The following HMOX2 variants were observed in gnomAD, a reference collection of about 807,000 sequenced individuals.
HMOX2 encodes heme oxygenase 2, also known as heme oxygenase (decycling) 2.
Under a neutral mutation model 33.7 loss-of-function variants are expected in HMOX2, and 30 were observed. The observed-to-expected ratio is 0.89, with a 90% CI of 0.67 to 1.21. HMOX2 has a LOEUF of 1.21. Among genes scored for constraint, HMOX2 ranks in the 50% most tolerant of loss-of-function variants. The pLI, the probability that HMOX2 is intolerant of heterozygous loss-of-function variation, is 0.00. For synonymous variants in HMOX2, 155 were observed against 155.0 expected (o/e 1.00, Z 0.00); for missense variants, 403 against 399.1 (o/e 1.01, Z -0.08).
rs17882072 is a variant in HMOX2, at chr16:4,509,803, G to GCCTA, written c.*50_*53dup. 648 of 1,577,412 alleles carry GCCTA rather than the reference G, an allele frequency of 4.1e-4. 9 individuals are homozygous for GCCTA. In the East Asian group the frequency reaches 0.014, roughly 34 times the overall value. ...GTACCCTCCTCCCGACTGACCACTGGCCTACCCCTTTCTCCAGCCCTGACT... is the reference window on the plus strand; with the variant it reads ...GTACCCTCCTCCCGACTGACCACTGGCCTACCTACCCCTTTCTCCAGCCCTGACT... On this transcript the variant is annotated 3_prime_UTR_variant, in exon 6 of 6. Coordinates refer to ENST00000570646, the MANE Select transcript of HMOX2 (RefSeq NM_002134.4).
At chr16:4,498,864 T>C (rs1444964142) in intron 1 of HMOX2, among the ~76,000 whole-genome samples, 2 of 152,234 alleles carry the variant, frequency 1.3e-5, no homozygotes, top group African/African-American at 4.8e-5. Flanking sequence ...CTAGATGATG[T>C]GGCTTCTTCA....
At chr16:4,481,466 T>A (rs188198929) in intron 1 of HMOX2, among the ~76,000 whole-genome samples, 42 of 152,238 alleles carry the variant, frequency 2.8e-4, no homozygotes, top group African/African-American at 9.9e-4. Context: ...ATAATTTTTA[T>A]GCGAAACACC....
intron 1 of HMOX2, among the ~76,000 whole-genome samples, chr16:4,501,663 A>G (rs1406573784): frequency 6.6e-6 from 1 of 152,124 alleles, no homozygotes; most frequent in Non-Finnish European, 1.5e-5. Context: ...TTGGCCCTCA[A>G]TTTTCTAGAG....
chr16:4,507,732 A>G lies in HMOX2; in HGVS notation c.224A>G (p.Tyr75Cys). 1.2e-6 allele frequency: 2 copies of G among 1,614,042 alleles called. No homozygotes were observed. Among genetic ancestry groups the G allele is most frequent in the Non-Finnish European group, 1.7e-6 (2 of 1,179,956 alleles). The change falls in exon 4 of 6, where the codon TAC becomes TGC. Residue 75 changes from tyrosine (Y) to cysteine (C), a missense_variant. Physicochemically the swap from Tyr to Cys is radical, Grantham distance 194 (BLOSUM62 -2). Coordinates refer to ENST00000570646, the MANE Select transcript of HMOX2 (RefSeq NM_002134.4). ...CCACAGCTGGCCACCACGGCACTTTACTTCACATACTCAGCCCTCGAGGAG... is the reference window on the plus strand; with the variant it reads ...CCACAGCTGGCCACCACGGCACTTTGCTTCACATACTCAGCCCTCGAGGAG... ...ELFKLATTALYFTYSALEEEM... is the reference protein window; with the variant it reads ...ELFKLATTALCFTYSALEEEM...
At chr16:4,492,616 G>A (rs1340453840) in intron 1 of HMOX2, among the ~76,000 whole-genome samples, 1 of 152,138 alleles carries the variant, frequency 6.6e-6, no homozygotes, top group African/African-American at 2.4e-5. Context: ...CTACTCGGGA[G>A]TCTGAGGCAG....
In HMOX2 at chr16:4,509,266, G is replaced by A. The variant is rs552524697; in HGVS notation, c.697-146G>A. 2.4e-4 allele frequency: 238 copies of A among 1,010,360 alleles called. 1 individual carries two copies. The highest frequency in any genetic ancestry group is 6.0e-4 in the Admixed American group (26 of 43,314). 62.6% of individuals were successfully genotyped at this position (1,010,360 alleles called of 1,614,324 possible). A position where few individuals can be genotyped will look rare whatever the true frequency, so the allele number is the denominator to read the frequency against. ...AAGGTGGGAGGACCACTTGAGCCTA[G>A]GAGTTTGAGGCTGCAGTGAGTTAGC... On this transcript the variant is annotated intron_variant, in intron 4 of 5. Coordinates refer to ENST00000570646, the MANE Select transcript of HMOX2 (RefSeq NM_002134.4).
intron 1 of HMOX2, among the ~76,000 whole-genome samples, chr16:4,499,141 G>A (rs1320911951): frequency 6.6e-6 from 1 of 152,218 alleles, no homozygotes; most frequent in African/African-American, 2.4e-5. Flanking sequence ...TTCTTCCTCA[G>A]TGTTTAACAA....
chr16:4,490,828 T>G (rs2058286907), intron 1 of HMOX2, among the ~76,000 whole-genome samples: 2 of 152,252 alleles, frequency 1.3e-5, no homozygotes, highest in African/African-American at 4.8e-5. Flanking sequence ...TGTCCTCTTT[T>G]GAATGCACAC....
intron 1 of HMOX2, among the ~76,000 whole-genome samples, chr16:4,480,009 G>A (rs911520494): frequency 2.0e-5 from 3 of 146,360 alleles, no homozygotes; most frequent in Admixed American, 1.4e-4. Flanking sequence ...AAAGTGCTGG[G>A]GTTATAGGCA....
chr16:4,477,582 T>C (rs2057899208), intron 1 of HMOX2, among the ~76,000 whole-genome samples: 1 of 151,536 alleles, frequency 6.6e-6, no homozygotes, highest in Non-Finnish European at 1.5e-5. Context: ...GTACTGTGTT[T>C]TGTTGATGGC....
intron 4 of HMOX2, among the ~76,000 whole-genome samples, chr16:4,508,614 G>A (rs2270366): frequency 0.54 from 82,240 of 152,006 alleles, 25,516 homozygotes; most frequent in Non-Finnish European, 0.69. Flanking sequence ...TTTACAAGTA[G>A]CCTTTAGATG....
At chr16:4,487,475 A>C (rs2058198157) in intron 1 of HMOX2, among the ~76,000 whole-genome samples, 1 of 151,404 alleles carries the variant, frequency 6.6e-6, no homozygotes, top group South Asian at 2.1e-4. Flanking sequence ...GTTTGAGACC[A>C]GCCTGACCAA....
intron 1 of HMOX2, among the ~76,000 whole-genome samples, chr16:4,495,351 C>T (rs1429032762): frequency 6.6e-6 from 1 of 152,182 alleles, no homozygotes; most frequent in Admixed American, 6.5e-5. Flanking sequence ...TGAGCAAGTC[C>T]AATAGCTGCT....
Position 4,509,977 on chromosome 16 carries a change from G to C in HMOX2, c.*221G>C. 1.7e-6 allele frequency: 1 copy of C among 580,022 alleles called. No homozygotes were observed. Among genetic ancestry groups the C allele is most frequent in the East Asian group, 2.8e-5 (1 of 35,104 alleles). 35.9% of individuals were successfully genotyped at this position (580,022 alleles called of 1,614,324 possible). A position where few individuals can be genotyped will look rare whatever the true frequency, so the allele number is the denominator to read the frequency against. ...CAGGCCGTCACCCTGGGAGCAGTCG[G>C]CACAGTGCAGCAAGCCTGGCCCCCG... On this transcript the variant is annotated 3_prime_UTR_variant, in exon 6 of 6. Transcript: ENST00000570646.
chr16:4,492,502 G>A (rs1398303765), intron 1 of HMOX2, among the ~76,000 whole-genome samples: 5 of 149,178 alleles, frequency 3.4e-5, no homozygotes, highest in Non-Finnish European at 7.4e-5. Flanking sequence ...GGCAGATCAC[G>A]AGGTCAAGAG....
chr16:4,507,421 G>A (rs1436110281), intron 3 of HMOX2, among the ~76,000 whole-genome samples: 1 of 151,868 alleles, frequency 6.6e-6, no homozygotes, highest in Non-Finnish European at 1.5e-5. Context: ...CTCCAGCCTG[G>A]GTGACAGAGC....
chr16:4,489,418 G>A (rs1476450482), intron 1 of HMOX2, among the ~76,000 whole-genome samples: 1 of 152,030 alleles, frequency 6.6e-6, no homozygotes, highest in Admixed American at 6.6e-5. Flanking sequence ...GCGAGTAGCT[G>A]GGACCACAAG....
At chr16:4,476,536 G>A (rs2057843966) in intron 1 of HMOX2, 49 bp downstream of exon 1, 1 of 152,272 alleles carries the variant, frequency 6.6e-6, no homozygotes, top group Non-Finnish European at 1.5e-5. Context: ...CGGCTTCTCG[G>A]ACCGCGCTGC....
intron 3 of HMOX2, 72 bp from the exon 4 acceptor site, chr16:4,507,641 T>G: frequency 6.5e-7 from 1 of 1,533,840 alleles, no homozygotes; most frequent in East Asian, 2.3e-5. Context: ...GGTTGTCACT[T>G]GAGCCTCTGC....
Sources: gnomAD v4.1 joint callset for allele counts (sites outside exome capture counted in the v4.1 genomes callset) on GRCh38, gnomAD v4.1.1 for gene constraint, MANE v1.5 for transcripts, NCBI Gene and HGNC (gene_info 2026-07-23, HGNC 2026-07-21) for gene names.